Variants in PLOD2 observed in about 807,000 individuals in gnomAD.
PLOD2 encodes lysine hydroxylase 2.
PLOD2 carries 65 observed loss-of-function variants against 101.0 expected under a neutral mutation model. The observed-to-expected ratio is 0.64, with a 90% CI of 0.53 to 0.79. PLOD2 has a LOEUF of 0.79. Ranked by LOEUF, PLOD2 falls within the 30% of genes least tolerant of loss-of-function variation. The pLI is 0.00. For missense variants in PLOD2, 909 were observed against 914.6 expected, an observed-to-expected ratio of 0.99 and a Z score of 0.08; for synonymous variants, 314 against 302.9, an observed-to-expected ratio of 1.04 and a Z score of -0.38.
At chr3:146,117,532 C>T (rs2108083106) in intron 3 of PLOD2, among the ~76,000 whole-genome samples, 1 of 152,168 alleles carries the variant, frequency 6.6e-6, no homozygotes, top group South Asian at 2.1e-4. Flanking sequence ...AATTGCTCAT[C>T]CCTCTTTAAC....
intron 1 of PLOD2, among the ~76,000 whole-genome samples, chr3:146,156,748 C>T (rs1333714030): frequency 1.3e-5 from 2 of 152,192 alleles, no homozygotes; most frequent in Non-Finnish European, 2.9e-5. Context: ...TCACTGATGG[C>T]CAGTTTCTGT....
intron 3 of PLOD2, among the ~76,000 whole-genome samples, chr3:146,117,339 A>G (rs1047661610): frequency 2.2e-4 from 34 of 152,162 alleles, no homozygotes; most frequent in African/African-American, 8.0e-4. Flanking sequence ...ACCTTAATTA[A>G]GAGTTTAGGA....
chr3:146,077,184 A>G (rs983874131), intron 14 of PLOD2: 20 of 1,038,932 alleles, frequency 1.9e-5, no homozygotes, highest in Non-Finnish European at 2.3e-5. Flanking sequence ...GACATCGGGG[A>G]AAAAATTCCT....
At chr3:146,152,539 T>C (rs2032109240) in intron 1 of PLOD2, among the ~76,000 whole-genome samples, 1 of 152,140 alleles carries the variant, frequency 6.6e-6, no homozygotes, top group Admixed American at 6.5e-5. Context: ...CTATTACCAC[T>C]TGTCTACCCA....
chr3:146,096,535 C>A (rs1937166306), intron 7 of PLOD2, among the ~76,000 whole-genome samples: 1 of 95,076 alleles, frequency 1.1e-5, no homozygotes, highest in Non-Finnish European at 2.2e-5. Context: ...TCTGCCCCAC[C>A]GCCCTGTCTG....
intron 1 of PLOD2, among the ~76,000 whole-genome samples, chr3:146,134,958 A>T (rs2031144526): frequency 6.6e-6 from 1 of 152,238 alleles, no homozygotes; most frequent in Admixed American, 6.5e-5. Flanking sequence ...CACAAAATTA[A>T]AAGCAGACCT....
At chr3:146,089,792 T>A (rs1236144237) in intron 8 of PLOD2, among the ~76,000 whole-genome samples, 2 of 151,576 alleles carry the variant, frequency 1.3e-5, no homozygotes, top group African/African-American at 4.8e-5. Flanking sequence ...AGTTCTCAAT[T>A]TAATAGGAAA....
Position 146,131,814 on chromosome 3 carries a change from G to A in PLOD2, c.110-7585C>T, listed in dbSNP as rs150259736. ...AAAAACTATGACGAACTGAAGGCACGAAGTCTAATTTTATTTTGTGGAATT... is the reference window on the plus strand; with the variant it reads ...AAAAACTATGACGAACTGAAGGCACAAAGTCTAATTTTATTTTGTGGAATT... On this transcript the variant is annotated intron_variant, in intron 1 of 19. Transcript: ENST00000282903. Among the ~76,000 whole-genome samples the A allele has an allele frequency of 1.1e-3, 168 of 152,156 alleles. 1 individual carries two copies. The highest frequency in any genetic ancestry group is 3.8e-3 in the African/African-American group (156 of 41,516).
intron 1 of PLOD2, among the ~76,000 whole-genome samples, chr3:146,127,022 T>C (rs1006189943): frequency 1.3e-5 from 2 of 152,208 alleles, no homozygotes; most frequent in African/African-American, 4.8e-5. Context: ...CATCTATTCA[T>C]TCACTTATTC....
At chr3:146,097,803 A>AAAAAT (rs1553733434) in intron 7 of PLOD2, among the ~76,000 whole-genome samples, 1 of 142,088 alleles carries the variant, frequency 7.0e-6, no homozygotes, top group Non-Finnish European at 1.5e-5. Context: ...AATAAAAAAA[A>AAAAAT]AATAATAATA....
At chr3:146,114,917 C>T (rs910053683) in intron 3 of PLOD2, among the ~76,000 whole-genome samples, 7 of 152,046 alleles carry the variant, frequency 4.6e-5, no homozygotes, top group Admixed American at 1.3e-4. Flanking sequence ...TCATTAAAAT[C>T]GACAAACTAT....
intron 3 of PLOD2, among the ~76,000 whole-genome samples, chr3:146,111,009 AAATTTTTGTAAAAACTGACACTATAATTT>A (rs1237728739): frequency 1.4e-5 from 2 of 145,724 alleles, no homozygotes; most frequent in Non-Finnish European, 3.0e-5. Flanking sequence ...ACTTGGGAGA[AAATTTTTGTAAAAACTGACACTATAATTT>A]AATTTTTGTA....
At chr3:146,109,501 G>A (rs900179288) in intron 4 of PLOD2, among the ~76,000 whole-genome samples, 2 of 152,128 alleles carry the variant, frequency 1.3e-5, no homozygotes, top group African/African-American at 4.8e-5. Flanking sequence ...TAACTAGCCT[G>A]GATAGTACTG....
chr3:146,098,414 ATAAT>A (rs1185399731), intron 7 of PLOD2, among the ~76,000 whole-genome samples: 2 of 152,188 alleles, frequency 1.3e-5, no homozygotes, highest in African/African-American at 4.8e-5. Flanking sequence ...AAGTATGAAA[ATAAT>A]TATTTAAAAT....
chr3:146,102,536 A>G (rs1937420473), intron 7 of PLOD2, among the ~76,000 whole-genome samples: 1 of 152,238 alleles, frequency 6.6e-6, no homozygotes, highest in African/African-American at 2.4e-5. Flanking sequence ...AATGTGCTGT[A>G]AATAGAATAA....
chr3:146,070,836 T>C lies in PLOD2; in HGVS notation c.2158A>G (p.Ile720Val), dbSNP rs377413994. Residue 720 changes from isoleucine (I) to valine (V), a missense_variant, in exon 20 of 20, where the codon ATT becomes GTT. Coordinates refer to ENST00000282903, the MANE Select transcript of PLOD2 (RefSeq NM_182943.3). Reference protein sequence around the residue: ...GCKFLRYNCSIESPRKGWSFM... With the variant: ...GCKFLRYNCSVESPRKGWSFM... ...CTCCAGCCTTTTCGTGGTGACTCAA[T>C]AGAGCAATTGTACCTTAGAAATTTG... 3.0e-5 allele frequency: 48 copies of C among 1,610,658 alleles called. No individual in the cohort carries two copies. Among genetic ancestry groups the C allele is most frequent in the East Asian group, 1.3e-4 (6 of 44,768 alleles).
At chr3:146,148,551 G>A (rs1160125461) in intron 1 of PLOD2, among the ~76,000 whole-genome samples, 1 of 152,090 alleles carries the variant, frequency 6.6e-6, no homozygotes, top group Non-Finnish European at 1.5e-5. Context: ...TATCAAGAAA[G>A]CAAACACTCC....
At chr3:146,110,477 A>G in intron 3 of PLOD2, 29 bp from the exon 4 acceptor site, 11 of 1,579,662 alleles carry the variant, frequency 7.0e-6, no homozygotes, top group Non-Finnish European at 9.5e-6. Flanking sequence ...ATGTGTTTTA[A>G]AATACACTTG....
chr3:146,083,117 T>C, intron 11 of PLOD2, among the ~76,000 whole-genome samples: 1 of 152,186 alleles, frequency 6.6e-6, no homozygotes, highest in East Asian at 1.9e-4. Flanking sequence ...AACTTGTAAT[T>C]TATAATCCCA....
Sources: allele counts gnomAD v4.1 joint callset (sites outside exome capture counted in the v4.1 genomes callset), GRCh38; gene constraint gnomAD v4.1.1; transcripts MANE v1.5; gene names NCBI Gene and HGNC (gene_info 2026-07-23, HGNC 2026-07-21).